ERC2: variants seen among roughly 807,000 people sequenced by gnomAD.
ERC2 encodes ERC protein 2.
In ERC2, 42 loss-of-function variants were observed where a neutral mutation model predicts 114.8. The ratio of observed to expected loss-of-function variants is 0.37; its 90% CI spans 0.29 to 0.47. ERC2 has a LOEUF of 0.47. Ranked by LOEUF, ERC2 falls within the 20% of genes least tolerant of loss-of-function variation. The pLI is 0.99. For synonymous variants in ERC2, 454 were observed against 425.5 expected (o/e 1.07, Z -0.82); for missense variants, 939 against 1,150.7 (o/e 0.82, Z 2.66).
intron 17 of ERC2, among the ~76,000 whole-genome samples, chr3:55,670,904 A>C (rs1459046843): frequency 6.6e-6 from 1 of 152,168 alleles, no homozygotes; most frequent in Non-Finnish European, 1.5e-5. Flanking sequence ...ACTGTCCATA[A>C]ATATAGTTTA....
intron 14 of ERC2, among the ~76,000 whole-genome samples, chr3:55,762,159 C>T (rs1283870776): frequency 6.6e-6 from 1 of 152,122 alleles, no homozygotes; most frequent in African/African-American, 2.4e-5. Context: ...GACTAATACA[C>T]GAAGATAGGA....
intron 2 of ERC2, among the ~76,000 whole-genome samples, chr3:56,336,058 C>G (rs191047603): frequency 1.5e-4 from 23 of 152,266 alleles, no homozygotes; most frequent in Admixed American, 5.2e-4. Context: ...AAAGAACACC[C>G]CAGACCAAAG....
At chr3:55,881,122 C>T (rs1379592075) in intron 14 of ERC2, among the ~76,000 whole-genome samples, 1 of 152,138 alleles carries the variant, frequency 6.6e-6, no homozygotes, top group Non-Finnish European at 1.5e-5. Context: ...TGTCTTTTCT[C>T]ATGTTGGCAT....
intron 17 of ERC2, among the ~76,000 whole-genome samples, chr3:55,583,386 CTTTCCTTCCTTCT>C (rs1559692048): frequency 3.8e-5 from 5 of 130,228 alleles, no homozygotes; most frequent in South Asian, 2.9e-4. Flanking sequence ...TTCCTTCTTT[CTTTCCTTCCTTCT>C]TTCCTTCCTT....
intron 14 of ERC2, among the ~76,000 whole-genome samples, chr3:55,792,736 T>C (rs1209154083): frequency 6.6e-6 from 1 of 152,202 alleles, no homozygotes; most frequent in African/African-American, 2.4e-5. Context: ...TGAATGTGCA[T>C]GAATTTCCCA....
chr3:56,399,918 C>G (rs2060458212), intron 2 of ERC2, among the ~76,000 whole-genome samples: 1 of 152,102 alleles, frequency 6.6e-6, no homozygotes, highest in Non-Finnish European at 1.5e-5. Flanking sequence ...ACAATCTGGT[C>G]TCTTCAATAA....
At chr3:56,233,563 G>T (rs1470323454) in intron 3 of ERC2, among the ~76,000 whole-genome samples, 1 of 151,176 alleles carries the variant, frequency 6.6e-6, no homozygotes, top group South Asian at 2.1e-4. Context: ...AGAATTGCTT[G>T]ACCCCAGGAG....
chr3:56,028,784 A>C (rs1021337683), intron 7 of ERC2, among the ~76,000 whole-genome samples: 6 of 152,196 alleles, frequency 3.9e-5, no homozygotes, highest in Middle Eastern at 3.4e-3. Context: ...ATCTTCAAAA[A>C]AGGATGACAC....
intron 7 of ERC2, among the ~76,000 whole-genome samples, chr3:56,034,175 A>G (rs955873703): frequency 1.3e-5 from 2 of 152,212 alleles, no homozygotes; most frequent in African/African-American, 4.8e-5. Context: ...AATAGGGGTG[A>G]CTATACTTAT....
chr3:55,674,142 T>G (rs2061682953), intron 17 of ERC2, among the ~76,000 whole-genome samples: 1 of 152,160 alleles, frequency 6.6e-6, no homozygotes, highest in Non-Finnish European at 1.5e-5. Context: ...TATCTTAAAA[T>G]TATAAACAGA....
chr3:55,888,782 G>A (rs1026477338), intron 13 of ERC2, among the ~76,000 whole-genome samples: 10 of 152,112 alleles, frequency 6.6e-5, no homozygotes, highest in African/African-American at 2.2e-4. Flanking sequence ...AGGGGGTTGA[G>A]GGATAAAAGA....
At chr3:56,295,578 AG>A (rs2055375510) in intron 3 of ERC2, among the ~76,000 whole-genome samples, 1 of 152,256 alleles carries the variant, frequency 6.6e-6, no homozygotes, top group East Asian at 1.9e-4. Flanking sequence ...TCTTTCCCAT[AG>A]GCTTTACTTT....
At chr3:55,619,781 A>G (rs1488406674) in intron 17 of ERC2, among the ~76,000 whole-genome samples, 3 of 152,176 alleles carry the variant, frequency 2.0e-5, no homozygotes, top group Admixed American at 1.3e-4. Context: ...TAATAAACAC[A>G]TCGGATTTGG....
At chr3:56,318,543 G>C (rs1438306830) in intron 2 of ERC2, among the ~76,000 whole-genome samples, 2 of 151,646 alleles carry the variant, frequency 1.3e-5, no homozygotes, top group African/African-American at 4.8e-5. Context: ...TATCTGATAA[G>C]GGGTTAATAT....
Position 56,237,347 on chromosome 3 carries a change from T to C in ERC2, c.1074+58672A>G, listed in dbSNP as rs551708059. 4.7e-4 allele frequency among the ~76,000 whole-genome samples: 72 copies of C among 152,356 alleles called. 2 individuals are homozygous for C. The South Asian group carries it at 0.015, about 32-fold the overall frequency. On this transcript the variant is annotated intron_variant, in intron 3 of 17. Coordinates refer to ENST00000288221, the MANE Select transcript of ERC2 (RefSeq NM_015576.3). ...TTCCAGTTGGCCTAATAGTTGCTTA[T>C]ACTTTCATCTTTACTATGAAGCAAC...
intron 17 of ERC2, among the ~76,000 whole-genome samples, chr3:55,651,249 C>T (rs573547082): frequency 6.8e-4 from 103 of 152,150 alleles, no homozygotes; most frequent in African/African-American, 2.0e-3. Context: ...CCACAGCCTC[C>T]GCCAGAGGCT....
At chr3:56,367,443 C>T (rs1408057831) in intron 2 of ERC2, among the ~76,000 whole-genome samples, 2 of 152,058 alleles carry the variant, frequency 1.3e-5, no homozygotes, top group East Asian at 3.9e-4. Context: ...CCCCCTTATC[C>T]TGATCTATCT....
intron 17 of ERC2, among the ~76,000 whole-genome samples, chr3:55,678,611 C>G (rs770505323): frequency 6.6e-6 from 1 of 152,164 alleles, no homozygotes; most frequent in Admixed American, 6.5e-5. Flanking sequence ...AGACTTCAGA[C>G]GTGCTTTAAA....
At chr3:56,325,642 T>C (rs2057328507) in intron 2 of ERC2, among the ~76,000 whole-genome samples, 1 of 152,204 alleles carries the variant, frequency 6.6e-6, no homozygotes, top group African/African-American at 2.4e-5. Flanking sequence ...TAAAGACAGA[T>C]GCTGTATGGA....
Sources: gnomAD v4.1 joint callset for allele counts (sites outside exome capture counted in the v4.1 genomes callset) on GRCh38, gnomAD v4.1.1 for gene constraint, MANE v1.5 for transcripts, NCBI Gene and HGNC (gene_info 2026-07-23, HGNC 2026-07-21) for gene names.